DENND1B: variants seen among roughly 807,000 people sequenced by gnomAD.
DENND1B encodes DENN domain-containing protein 1B.
A neutral mutation model predicts 90.1 loss-of-function variants in DENND1B; 59 were observed. That is an observed-to-expected ratio of 0.65 (90% confidence interval 0.53 to 0.81). The LOEUF is 0.81. DENND1B is among the 40% of genes least tolerant of loss of function. DENND1B has a pLI of 0.00. For missense variants in DENND1B, 862 were observed against 912.6 expected, an observed-to-expected ratio of 0.94 and a Z score of 0.71; for synonymous variants, 337 against 324.6, an observed-to-expected ratio of 1.04 and a Z score of -0.41.
chr1:197,772,315 G>A (rs2102516521), intron 2 of DENND1B, among the ~76,000 whole-genome samples: 1 of 152,220 alleles, frequency 6.6e-6, no homozygotes, highest in Non-Finnish European at 1.5e-5. Context: ...AAGTTATATG[G>A]GCTTAACAAC....
chr1:197,701,400 A>C (rs1659014789), intron 3 of DENND1B, among the ~76,000 whole-genome samples: 1 of 152,208 alleles, frequency 6.6e-6, no homozygotes, highest in Non-Finnish European at 1.5e-5. Context: ...GGATACAGAA[A>C]GGGGGACAAC....
At chr1:197,768,921 T>C (rs1656064442) in intron 2 of DENND1B, among the ~76,000 whole-genome samples, 1 of 152,052 alleles carries the variant, frequency 6.6e-6, no homozygotes, top group Non-Finnish European at 1.5e-5. Flanking sequence ...GTAGACCAGA[T>C]AAAGATCACA....
chr1:197,526,881 A>G (rs754301515), intron 20 of DENND1B, among the ~76,000 whole-genome samples: 2 of 152,166 alleles, frequency 1.3e-5, no homozygotes, highest in African/African-American at 2.4e-5. Context: ...TTGTGTTTCT[A>G]AAAGACACAC....
At chr1:197,518,933 T>A (rs375200828) in intron 20 of DENND1B, among the ~76,000 whole-genome samples, 1 of 151,938 alleles carries the variant, frequency 6.6e-6, no homozygotes, top group African/African-American at 2.4e-5. Flanking sequence ...AGCATTCTTT[T>A]CCAGGTTTTT....
chr1:197,539,950 A>C lies in DENND1B; in HGVS notation c.1515+14T>G. On this transcript the variant is annotated intron_variant, in intron 20 of 22. Coordinates refer to ENST00000620048, the MANE Select transcript of DENND1B (RefSeq NM_001195215.2). Reference sequence around the variant, plus strand: ...GAGAATGTGGGGGAATGAAGGGTAAATAACCTTACTTACCTGAGCAAGCTT... The same window carrying C: ...GAGAATGTGGGGGAATGAAGGGTAACTAACCTTACTTACCTGAGCAAGCTT... 1 of 1,562,320 alleles carries C rather than the reference A, an allele frequency of 6.4e-7. No homozygotes were observed. The highest frequency in any genetic ancestry group is 1.4e-5 in the African/African-American group (1 of 73,714).
intron 2 of DENND1B, 136 bp from the exon 3 acceptor site, chr1:197,715,210 T>TTAAACATCATCTA (rs1660533887): frequency 1.8e-6 from 1 of 559,964 alleles, no homozygotes; most frequent in South Asian, 3.2e-5. Flanking sequence ...CATTTATAGT[T>TTAAACATCATCTA]GATGACATTC....
At chr1:197,753,188 A>T (rs1653800315) in intron 2 of DENND1B, among the ~76,000 whole-genome samples, 1 of 152,262 alleles carries the variant, frequency 6.6e-6, no homozygotes, top group South Asian at 2.1e-4. Context: ...TACAGATAAA[A>T]TTAAAGCCTT....
chr1:197,689,018 T>C, intron 3 of DENND1B: 1 of 215,484 alleles, frequency 4.6e-6, no homozygotes, highest in South Asian at 8.0e-5. Flanking sequence ...CAAATACTAC[T>C]ATGTGACTAT....
intron 20 of DENND1B, among the ~76,000 whole-genome samples, chr1:197,537,252 C>T (rs568937984): frequency 2.6e-5 from 4 of 152,216 alleles, no homozygotes; most frequent in Non-Finnish European, 5.9e-5. Context: ...AATTCTTATA[C>T]ACCAGGTAGG....
chr1:197,627,082 C>T (rs1419718651), intron 10 of DENND1B, among the ~76,000 whole-genome samples: 5 of 152,024 alleles, frequency 3.3e-5, no homozygotes, highest in African/African-American at 7.2e-5. Flanking sequence ...GATTCACAGC[C>T]GAATTCTACC....
At chr1:197,585,819 T>C (rs1157690310) in intron 14 of DENND1B, among the ~76,000 whole-genome samples, 1 of 152,222 alleles carries the variant, frequency 6.6e-6, no homozygotes, top group Non-Finnish European at 1.5e-5. Context: ...GAAGCCTCAA[T>C]TACTGTCATC....
chr1:197,746,043 A>G (rs1663712309), intron 2 of DENND1B, among the ~76,000 whole-genome samples: 1 of 152,236 alleles, frequency 6.6e-6, no homozygotes, highest in Non-Finnish European at 1.5e-5. Context: ...ATTATAAACA[A>G]CTGTTAATCT....
At chr1:197,703,949 C>A (rs982040308) in intron 3 of DENND1B, among the ~76,000 whole-genome samples, 1 of 152,140 alleles carries the variant, frequency 6.6e-6, no homozygotes, top group Non-Finnish European at 1.5e-5. Flanking sequence ...TCTCTCCAGT[C>A]CCTCAAAAAT....
At chr1:197,621,170 G>A (rs1410628548) in intron 10 of DENND1B, among the ~76,000 whole-genome samples, 3 of 151,296 alleles carry the variant, frequency 2.0e-5, no homozygotes, top group African/African-American at 7.3e-5. Flanking sequence ...ATGATGGAGA[G>A]CCTTCTAGGA....
At chr1:197,538,986 T>C (rs1290510788) in intron 20 of DENND1B, among the ~76,000 whole-genome samples, 3 of 152,098 alleles carry the variant, frequency 2.0e-5, no homozygotes, top group African/African-American at 4.8e-5. Flanking sequence ...TCTTGGACTT[T>C]CCAGCCTCCC....
intron 3 of DENND1B, among the ~76,000 whole-genome samples, chr1:197,705,231 T>C (rs1659410877): frequency 6.6e-6 from 1 of 152,032 alleles, no homozygotes; most frequent in East Asian, 1.9e-4. Context: ...TTCAATAAAT[T>C]CCCTAAAAAG....
chr1:197,512,721 C>A, intron 21 of DENND1B, 150 bp downstream of exon 21: 1 of 629,266 alleles, frequency 1.6e-6, no homozygotes, highest in South Asian at 2.2e-5. Flanking sequence ...CCATAACATT[C>A]CAGGAGCACT....
Position 197,714,203 on chromosome 1 carries a change from G to C in DENND1B, c.126+828C>G, listed in dbSNP as rs371182167. Among the ~76,000 whole-genome samples, 66 of 151,432 alleles carry C rather than the reference G, an allele frequency of 4.4e-4. No individual in the cohort carries two copies. The East Asian group carries it at 0.012, about 28-fold the overall frequency. On this transcript the variant is annotated intron_variant, in intron 3 of 22. Coordinates refer to ENST00000620048, the MANE Select transcript of DENND1B (RefSeq NM_001195215.2). ...TTAGTCAGGCTGGTCTCGAACTCCT[G>C]ACCTCATGATCTGCCCGCCTCAGCC...
chr1:197,749,741 CTT>C (rs1312559169), intron 2 of DENND1B, among the ~76,000 whole-genome samples: 1 of 151,650 alleles, frequency 6.6e-6, no homozygotes, highest in East Asian at 1.9e-4. Flanking sequence ...CATTTCTTAA[CTT>C]TTTAAAAAAG....
Sources: allele counts gnomAD v4.1 joint callset (sites outside exome capture counted in the v4.1 genomes callset), GRCh38; gene constraint gnomAD v4.1.1; transcripts MANE v1.5; gene names NCBI Gene and HGNC (gene_info 2026-07-23, HGNC 2026-07-21).